The following NFXL1 variants were observed in gnomAD, a reference collection of about 807,000 sequenced individuals.
NFXL1 encodes nuclear transcription factor, X-box binding like 1.
A neutral mutation model predicts 123.3 loss-of-function variants in NFXL1; 66 were observed. The ratio of observed to expected loss-of-function variants is 0.54; its 90% CI spans 0.44 to 0.66. NFXL1 has a LOEUF of 0.66. Among genes scored for constraint, NFXL1 ranks in the 30% least tolerant of loss-of-function variants. NFXL1 has a pLI of 0.00. For synonymous variants in NFXL1, 346 were observed against 360.8 expected, an observed-to-expected ratio of 0.96 and a Z score of 0.46; for missense variants, 944 against 1,125.6, an observed-to-expected ratio of 0.84 and a Z score of 2.31.
chr4:47,887,960 A>G (rs1736539869), intron 12 of NFXL1, among the ~76,000 whole-genome samples: 1 of 152,048 alleles, frequency 6.6e-6, no homozygotes, highest in South Asian at 2.1e-4. Flanking sequence ...ATAAACACAG[A>G]TGATCCTGAA....
chr4:47,903,292 A>G lies in NFXL1; in HGVS notation c.548T>C (p.Phe183Ser). ...CCACTTCTGGATACAGGGCATGTGA[A>G]ATATACAGAAACATCCCGAACAGCT... The part of the protein sequence containing the change: ...VWSCSGCFCI[F>S]HMPCIQKWAK... Residue 183 changes from phenylalanine to serine, a missense_variant, in exon 5 of 23, where the codon TTT becomes TCT. Phe to Ser is a radical substitution (Grantham distance 155). Around this residue, in one of 4 missense-constraint regions of NFXL1, gnomAD observed 303 missense variants for 292.1 expected, o/e 1.04. Transcript: ENST00000507489. 6.3e-7 allele frequency: 1 copy of G among 1,591,108 alleles called. No individual in the cohort carries two copies. The highest frequency in any genetic ancestry group is 8.6e-7 in the Non-Finnish European group (1 of 1,169,008).
intron 9 of NFXL1, among the ~76,000 whole-genome samples, chr4:47,897,502 C>T (rs560369017): frequency 6.6e-6 from 1 of 152,242 alleles, no homozygotes; most frequent in African/African-American, 2.4e-5. Context: ...TAACCTATTA[C>T]ATAATAATGA....
chr4:47,893,144 C>T (rs1166212002), intron 11 of NFXL1, among the ~76,000 whole-genome samples: 2 of 151,606 alleles, frequency 1.3e-5, no homozygotes, highest in Non-Finnish European at 2.9e-5. Flanking sequence ...ATGTTGAAGA[C>T]AAAACTATAT....
At chr4:47,887,889 A>ACTATACTG (rs1342628977) in intron 12 of NFXL1, among the ~76,000 whole-genome samples, 1 of 152,206 alleles carries the variant, frequency 6.6e-6, no homozygotes, top group African/African-American at 2.4e-5. Context: ...GGAGACTATA[A>ACTATACTG]CTATACTGAC....
At chr4:47,876,991 G>A in intron 17 of NFXL1, 2 of 1,062,386 alleles carry the variant, frequency 1.9e-6, no homozygotes, top group Non-Finnish European at 2.5e-6. Context: ...AACAAAATAT[G>A]CAAAAAGAAC....
chr4:47,881,226 T>C (rs1333542773), intron 15 of NFXL1, among the ~76,000 whole-genome samples: 1 of 152,006 alleles, frequency 6.6e-6, no homozygotes, highest in Non-Finnish European at 1.5e-5. Flanking sequence ...AAAGAAATGG[T>C]GTCTGAGATA....
chr4:47,896,329 T>C (rs536926186), intron 10 of NFXL1, among the ~76,000 whole-genome samples, 194 bp downstream of exon 10: 22 of 152,290 alleles, frequency 1.4e-4, no homozygotes, highest in African/African-American at 4.8e-4. Context: ...CAAAGCACAA[T>C]AAAGTGAAAT....
Position 47,914,314 on chromosome 4 carries a change from G to A in NFXL1, c.-3+51C>T, listed in dbSNP as rs536647219. On this transcript the variant is annotated intron_variant, in intron 1 of 22. Coordinates refer to ENST00000507489, the MANE Select transcript of NFXL1 (RefSeq NM_001278624.2). ...CGGTGTGAGGGGCCGAGTGAGGAAG[G>A]TTCCTGCAGGGCGGCGACCGGGTTT... 5.7e-6 allele frequency: 5 copies of A among 880,252 alleles called. No individual in the cohort carries two copies. The South Asian group carries it at 9.4e-5, about 17-fold the overall frequency. 54.5% of individuals were successfully genotyped at this position (880,252 alleles called of 1,614,324 possible). A position where few individuals can be genotyped will look rare whatever the true frequency, so the allele number is the denominator to read the frequency against.
chr4:47,893,045 A>G (rs1736869954), intron 11 of NFXL1, among the ~76,000 whole-genome samples: 1 of 152,152 alleles, frequency 6.6e-6, no homozygotes, highest in African/African-American at 2.4e-5. Flanking sequence ...CCCAAATCCA[A>G]CTTCTAGAGA....
chr4:47,883,050 G>A (rs532990622), intron 15 of NFXL1, among the ~76,000 whole-genome samples: 3 of 152,084 alleles, frequency 2.0e-5, no homozygotes, highest in Non-Finnish European at 4.4e-5. Flanking sequence ...GAACTGTGTG[G>A]GCTTTTCACA....
chr4:47,862,848 CT>C lies in NFXL1; in HGVS notation c.2313del (p.Glu772SerfsTer25). ...LLSCCKNQCP[K>X]ELPCGHRCKE... ...TAAAAGGTTCTACTAAAGCTTACCT[CT>C]TTAGGGCACTGATTTTTGCAACAAC... On this transcript the variant is annotated frameshift_variant, in exon 19 of 23. Transcript: ENST00000507489. LOFTEE classifies it high-confidence loss of function. 6.5e-7 allele frequency: 1 copy of C among 1,538,628 alleles called. No homozygotes were observed. The highest frequency in any genetic ancestry group is 8.9e-7 in the Non-Finnish European group (1 of 1,127,606).
chr4:47,896,031 ACTGGT>A lies in NFXL1; in HGVS notation c.1329+487_1329+491del, dbSNP rs1737065276. 3.3e-5 allele frequency among the ~76,000 whole-genome samples: 5 copies of A among 152,310 alleles called. No homozygotes were observed. In the South Asian group the frequency reaches 1.0e-3, roughly 32 times the overall value. The stretch of plus-strand genomic sequence containing the variant: ...GGAGAGGGAAAGAGAATGGGGAACG[ACTGGT>A]CAGTAGAGCAGTCAGAACACACGCA... On this transcript the variant is annotated intron_variant, in intron 10 of 22. Coordinates refer to ENST00000507489, the MANE Select transcript of NFXL1 (RefSeq NM_001278624.2).
At chr4:47,873,900 T>C (rs1015376046) in intron 18 of NFXL1, among the ~76,000 whole-genome samples, 3 of 152,244 alleles carry the variant, frequency 2.0e-5, no homozygotes, top group African/African-American at 7.2e-5. Context: ...AATGATCTTA[T>C]CTAAACCTTC....
chr4:47,856,173 TTACTAAC>T (rs1335651967), intron 19 of NFXL1, among the ~76,000 whole-genome samples: 1 of 152,132 alleles, frequency 6.6e-6, no homozygotes, highest in East Asian at 1.9e-4. Context: ...GATTACCTGT[TTACTAAC>T]TACAGGATCT....
Position 47,885,881 on chromosome 4 carries a change from G to T in NFXL1, c.1662C>A (p.Cys554Ter), listed in dbSNP as rs752328730. 3.7e-6 allele frequency: 6 copies of T among 1,613,482 alleles called. No homozygotes were observed. Among genetic ancestry groups the T allele is most frequent in the Non-Finnish European group, 5.1e-6 (6 of 1,179,686 alleles). ...TTRPPKCKEQ[C>*]SRPPTCHHTS... ...CTTGTGCAAAGCTTCAAACTCACCT[G>T]CATTGCTCCTTGCACTTGGGTGGTC... is the stretch of plus-strand genomic sequence containing the variant. The change falls in exon 13 of 23, where the codon TGC (cysteine) becomes TGA (stop). Residue 554 changes from cysteine (C) to a stop codon, truncating the protein, a stop_gained and splice_region_variant. Coordinates refer to ENST00000507489, the MANE Select transcript of NFXL1 (RefSeq NM_001278624.2). LOFTEE classifies it high-confidence loss of function.
At chr4:47,883,254 C>T (rs1012334668) in intron 15 of NFXL1, among the ~76,000 whole-genome samples, 2 of 148,452 alleles carry the variant, frequency 1.3e-5, no homozygotes, top group Non-Finnish European at 3.0e-5. Flanking sequence ...GAAAAAAAAA[C>T]AAAAAAAAAC....
intron 19 of NFXL1, among the ~76,000 whole-genome samples, chr4:47,856,005 A>G (rs1450891598): frequency 6.6e-6 from 1 of 152,212 alleles, no homozygotes; most frequent in Non-Finnish European, 1.5e-5. Flanking sequence ...ATCTGTTTCT[A>G]AACTGTTGTA....
At chr4:47,901,349 T>C (rs1001682357) in intron 5 of NFXL1, among the ~76,000 whole-genome samples, 4 of 152,338 alleles carry the variant, frequency 2.6e-5, no homozygotes, top group Non-Finnish European at 5.9e-5. Context: ...ATGGCACAGC[T>C]GATTAAACTG....
At chr4:47,894,332 T>G (rs760404955) in intron 10 of NFXL1, 30 bp from the exon 11 acceptor site, 1 of 1,520,108 alleles carries the variant, frequency 6.6e-7, no homozygotes, top group Non-Finnish European at 8.9e-7. Context: ...GCTATTAAAA[T>G]TGATTTTTGT....
Sources: allele counts gnomAD v4.1 joint callset (sites outside exome capture counted in the v4.1 genomes callset), GRCh38; gene constraint gnomAD v4.1.1; regional missense constraint gnomAD v4.1.1; transcripts MANE v1.5; gene names NCBI Gene and HGNC (gene_info 2026-07-23, HGNC 2026-07-21).